The following AKAP7 variants were observed in gnomAD, a reference collection of about 807,000 sequenced individuals.
AKAP7 encodes A kinase (PRKA) anchor protein 7.
Under a neutral mutation model 39.5 loss-of-function variants are expected in AKAP7, and 39 were observed. The ratio of observed to expected loss-of-function variants is 0.99; its 90% CI spans 0.76 to 1.29. The LOEUF is 1.29. Ranked by LOEUF, AKAP7 falls within the 50% of genes most tolerant of loss-of-function variation. AKAP7 has a pLI of 0.00. For synonymous variants in AKAP7, 140 were observed against 139.1 expected (o/e 1.01, Z -0.05); for missense variants, 414 against 407.7 (o/e 1.02, Z -0.13).
At chr6:131,250,730 A>T in intron 7 of AKAP7, 1 of 1,007,436 alleles carries the variant, frequency 9.9e-7, no homozygotes, top group Non-Finnish European at 1.5e-6. Flanking sequence ...CTAATCAGCT[A>T]TGGTTTTTAA....
chr6:131,180,839 T>TG (rs1223418068), intron 5 of AKAP7, among the ~76,000 whole-genome samples: 1 of 147,410 alleles, frequency 6.8e-6, no homozygotes, highest in African/African-American at 2.5e-5. Context: ...GTTTTGTTTT[T>TG]TTTTTTTTTA....
intron 5 of AKAP7, chr6:131,184,278 G>A (rs1805590885): frequency 1.9e-6 from 1 of 523,172 alleles, no homozygotes; most frequent in Non-Finnish European, 3.7e-6. Context: ...ATGAAGTGGA[G>A]GAGAGAAACA....
Position 131,283,273 on chromosome 6 carries a change from C to T in AKAP7, c.*1547C>T, listed in dbSNP as rs1815338425. On this transcript the variant is annotated 3_prime_UTR_variant, in exon 8 of 8. Transcript: ENST00000431975. ...CCCTTGCCATCTGAACTTGTTTGCACTGCTTCTGTTTGAAAGAGCATCTTG... is the reference window on the plus strand; with the variant it reads ...CCCTTGCCATCTGAACTTGTTTGCATTGCTTCTGTTTGAAAGAGCATCTTG... 1 of 152,598 alleles carries T rather than the reference C, an allele frequency of 6.6e-6. No individual in the cohort carries two copies. Among genetic ancestry groups the T allele is most frequent in the East Asian group, 1.9e-4 (1 of 5,204 alleles). The allele number at this position is 152,598 out of a possible 1,614,324, so 9.5% of individuals were successfully genotyped here.
intron 7 of AKAP7, among the ~76,000 whole-genome samples, chr6:131,279,830 G>A (rs1815062780): frequency 6.6e-6 from 1 of 152,158 alleles, no homozygotes; most frequent in Non-Finnish European, 1.5e-5. Flanking sequence ...ACAGTGTTTT[G>A]GAGGGTACTT....
At chr6:131,154,593 C>A (rs1436922458) in intron 2 of AKAP7, among the ~76,000 whole-genome samples, 1 of 151,156 alleles carries the variant, frequency 6.6e-6, no homozygotes, top group Non-Finnish European at 1.5e-5. Context: ...TGAGGTAGAT[C>A]CCAGACATAT....
intron 6 of AKAP7, among the ~76,000 whole-genome samples, chr6:131,216,556 G>A (rs1809199051): frequency 6.6e-6 from 1 of 152,160 alleles, no homozygotes; most frequent in African/African-American, 2.4e-5. Context: ...AAGTGTATTT[G>A]AACATCGCTG....
intron 2 of AKAP7, among the ~76,000 whole-genome samples, chr6:131,152,900 G>A (rs1802055429): frequency 6.6e-6 from 1 of 151,574 alleles, no homozygotes; most frequent in African/African-American, 2.4e-5. Context: ...AGGCCAGGGC[G>A]GGTGGATCAC....
intron 2 of AKAP7, among the ~76,000 whole-genome samples, chr6:131,150,294 G>A (rs1801813305): frequency 6.6e-6 from 1 of 152,128 alleles, no homozygotes; most frequent in Middle Eastern, 3.4e-3. Context: ...TCGTAATTTT[G>A]CTACTTATTA....
intron 6 of AKAP7, among the ~76,000 whole-genome samples, chr6:131,211,185 C>G (rs961611591): frequency 6.6e-6 from 1 of 152,096 alleles, no homozygotes; most frequent in Non-Finnish European, 1.5e-5. Context: ...GTGGGTATAG[C>G]AAAAGGGGAA....
chr6:131,160,786 A>T (rs1183555608), intron 3 of AKAP7, among the ~76,000 whole-genome samples: 1 of 152,248 alleles, frequency 6.6e-6, no homozygotes, highest in Non-Finnish European at 1.5e-5. Flanking sequence ...ATATTGCACC[A>T]TTAAACTTGG....
intron 3 of AKAP7, among the ~76,000 whole-genome samples, chr6:131,161,584 G>T (rs1486734264): frequency 1.9e-4 from 26 of 138,760 alleles, no homozygotes; most frequent in African/African-American, 7.0e-4. Context: ...GGCAGAGGTT[G>T]CAGTGAGCCA....
At chr6:131,269,694 A>G (rs2128333655) in intron 7 of AKAP7, among the ~76,000 whole-genome samples, 1 of 152,258 alleles carries the variant, frequency 6.6e-6, no homozygotes, top group South Asian at 2.1e-4. Context: ...CTTAGTTTGT[A>G]CTCTCTGAGC....
chr6:131,136,606 C>G (rs1800564225), intron 1 of AKAP7, among the ~76,000 whole-genome samples: 1 of 152,186 alleles, frequency 6.6e-6, no homozygotes, highest in Non-Finnish European at 1.5e-5. Flanking sequence ...AGTGCCGTGG[C>G]TTTGCAATTC....
At chr6:131,222,258 G>T (rs1316887781) in intron 7 of AKAP7, among the ~76,000 whole-genome samples, 1 of 152,206 alleles carries the variant, frequency 6.6e-6, no homozygotes, top group East Asian at 1.9e-4. Flanking sequence ...AGGCGCGGTG[G>T]CTCACGCCTG....
intron 5 of AKAP7, chr6:131,184,311 G>GC (rs1554207094): frequency 1.1e-5 from 6 of 531,348 alleles, no homozygotes; most frequent in Non-Finnish European, 2.2e-5. Flanking sequence ...TCGGGGAGCA[G>GC]GGGGGTGGCT....
intron 7 of AKAP7, chr6:131,250,577 C>G (rs1484684816): frequency 6.2e-7 from 1 of 1,613,926 alleles, no homozygotes; most frequent in Admixed American, 1.7e-5. Flanking sequence ...CATGGGCCAG[C>G]TTTGCTGCTT....
upstream of AKAP7, among the ~76,000 whole-genome samples, chr6:131,134,433 G>A (rs925843366): frequency 1.3e-5 from 2 of 152,132 alleles, no homozygotes; most frequent in African/African-American, 4.8e-5. Context: ...CATATTTGGG[G>A]TGGCATATTC....
chr6:131,253,309 C>T (rs959515687), intron 7 of AKAP7, among the ~76,000 whole-genome samples: 4 of 152,062 alleles, frequency 2.6e-5, no homozygotes, highest in African/African-American at 9.7e-5. Context: ...TATGCATACC[C>T]AGAAATATTC....
At chr6:131,154,802 C>A (rs512707) in intron 2 of AKAP7, among the ~76,000 whole-genome samples, 98,601 of 151,950 alleles carry the variant, frequency 0.65, 33,361 homozygotes, top group African/African-American at 0.82. Context: ...CACTATATTT[C>A]ACTGACACAT....
Sources: allele counts gnomAD v4.1 joint callset (sites outside exome capture counted in the v4.1 genomes callset), GRCh38; gene constraint gnomAD v4.1.1; transcripts MANE v1.5; gene names NCBI Gene and HGNC (gene_info 2026-07-23, HGNC 2026-07-21).